The following RPN2 variants were observed in gnomAD, a reference collection of about 807,000 sequenced individuals.
The protein encoded by RPN2 is ribophorin II, also known as dolichyl-diphosphooligosaccharide--protein glycosyltransferase subunit 2.
A neutral mutation model predicts 71.4 loss-of-function variants in RPN2; 29 were observed. The ratio of observed to expected loss-of-function variants is 0.41; its 90% CI spans 0.30 to 0.55. The LOEUF is 0.55. Among genes scored for constraint, RPN2 ranks in the 20% least tolerant of loss-of-function variants. The pLI, the probability that RPN2 is intolerant of heterozygous loss-of-function variation, is 0.35. For synonymous variants in RPN2, 308 were observed against 305.0 expected (o/e 1.01, Z -0.10); for missense variants, 726 against 774.1 (o/e 0.94, Z 0.74).
intron 4 of RPN2, among the ~76,000 whole-genome samples, chr20:37,199,438 C>T (rs1039309975): frequency 1.3e-5 from 2 of 152,212 alleles, no homozygotes; most frequent in African/African-American, 2.4e-5. Context: ...CAGTCTTCTG[C>T]AAGCCTCGCA....
chr20:37,208,959 C>T (rs2067588228), intron 7 of RPN2, among the ~76,000 whole-genome samples: 1 of 152,218 alleles, frequency 6.6e-6, no homozygotes, highest in African/African-American at 2.4e-5. Context: ...CATATACCCT[C>T]AACAAAGACT....
intron 7 of RPN2, among the ~76,000 whole-genome samples, chr20:37,209,186 T>C (rs1438311055): frequency 6.6e-6 from 1 of 152,236 alleles, no homozygotes; most frequent in Non-Finnish European, 1.5e-5. Flanking sequence ...GTACAATTGA[T>C]AGGAGAATGT....
chr20:37,233,256 T>A (rs926624849), intron 14 of RPN2, among the ~76,000 whole-genome samples: 22 of 152,168 alleles, frequency 1.4e-4, no homozygotes, highest in African/African-American at 4.8e-4. Context: ...GTGTTAGTGT[T>A]GGTCATCTCT....
intron 9 of RPN2, among the ~76,000 whole-genome samples, chr20:37,216,200 G>T (rs1054790080): frequency 6.6e-6 from 1 of 151,988 alleles, no homozygotes; most frequent in Non-Finnish European, 1.5e-5. Context: ...GTAGCCAGGC[G>T]TGGTGGCACG....
chr20:37,179,533 G>T (rs1257257886), intron 1 of RPN2, 164 bp downstream of exon 1: 42 of 1,398,540 alleles, frequency 3.0e-5, no homozygotes, highest in Non-Finnish European at 3.9e-5. Flanking sequence ...AAGGAGGGCT[G>T]CGAGCTGGTG....
In RPN2 at chr20:37,204,828, AAAC is replaced by A; in HGVS notation, c.622_624del (p.Thr208del). On this transcript the variant is annotated inframe_deletion, in exon 6 of 17. Transcript: ENST00000237530. The stretch of plus-strand genomic sequence containing the variant: ...TATCTCCAGTTTGAAGAAGGACTGG[AAAC>A]AACAGCGTTATTTGTGGCTGCCACC... The A allele has an allele frequency of 6.2e-7, 1 of 1,614,138 alleles. No individual in the cohort carries two copies. The highest frequency in any genetic ancestry group is 1.3e-5 in the African/African-American group (1 of 75,010).
chr20:37,221,859 C>T (rs2067967541), intron 9 of RPN2, among the ~76,000 whole-genome samples: 1 of 152,244 alleles, frequency 6.6e-6, no homozygotes, highest in African/African-American at 2.4e-5. Flanking sequence ...CATGGGCAGA[C>T]TTGGGTCACA....
At chr20:37,191,480 A>G (rs1313735958) in intron 2 of RPN2, among the ~76,000 whole-genome samples, 1 of 151,858 alleles carries the variant, frequency 6.6e-6, no homozygotes, top group African/African-American at 2.4e-5. Context: ...CTGTCTCAAA[A>G]AAAAGGCCAG....
chr20:37,196,524 C>T (rs1474063305), intron 2 of RPN2, among the ~76,000 whole-genome samples: 1 of 152,024 alleles, frequency 6.6e-6, no homozygotes, highest in African/African-American at 2.4e-5. Context: ...TGAGCCACCG[C>T]GCCCAGCCTT....
chr20:37,205,217 T>C (rs563100698), intron 6 of RPN2, among the ~76,000 whole-genome samples: 3 of 152,072 alleles, frequency 2.0e-5, no homozygotes, highest in African/African-American at 7.2e-5. Context: ...CCTTTTCTGC[T>C]TGTCGCCTGA....
At chr20:37,212,040 G>A (rs1433823844) in intron 8 of RPN2, among the ~76,000 whole-genome samples, 2 of 152,162 alleles carry the variant, frequency 1.3e-5, no homozygotes, top group African/African-American at 2.4e-5. Flanking sequence ...AAAGTGCTGG[G>A]ATTACAGTTG....
chr20:37,224,218 G>A (rs1212912143), intron 10 of RPN2, among the ~76,000 whole-genome samples: 1 of 152,302 alleles, frequency 6.6e-6, no homozygotes, highest in East Asian at 1.9e-4. Context: ...TCCTCAACGA[G>A]GTAAAGCGCT....
At chr20:37,218,066 TAAC>T (rs1197219682) in intron 9 of RPN2, among the ~76,000 whole-genome samples, 1 of 152,166 alleles carries the variant, frequency 6.6e-6, no homozygotes, top group Non-Finnish European at 1.5e-5. Flanking sequence ...ATTGATTTAA[TAAC>T]AGCTTTATTG....
At chr20:37,236,859 C>T in intron 16 of RPN2, 150 bp downstream of exon 16, 1 of 781,516 alleles carries the variant, frequency 1.3e-6, no homozygotes, top group Non-Finnish European at 2.2e-6. Flanking sequence ...AAGCCAGAAG[C>T]ACTTTGAAGT....
intron 2 of RPN2, among the ~76,000 whole-genome samples, chr20:37,196,548 A>T (rs1218392857): frequency 6.6e-6 from 1 of 151,626 alleles, no homozygotes; most frequent in Non-Finnish European, 1.5e-5. Context: ...CTTTTTTTTG[A>T]GACAGGATGT....
At chr20:37,202,417 A>G (rs377099999) in intron 4 of RPN2, among the ~76,000 whole-genome samples, 1 of 152,208 alleles carries the variant, frequency 6.6e-6, no homozygotes, top group Non-Finnish European at 1.5e-5. Flanking sequence ...TCTTGACATA[A>G]GCAGACAGAT....
At chr20:37,225,065 C>G (rs534511098) in intron 10 of RPN2, among the ~76,000 whole-genome samples, 1 of 152,278 alleles carries the variant, frequency 6.6e-6, no homozygotes, top group South Asian at 2.1e-4. Flanking sequence ...GCTGGTTTAT[C>G]CCCTGGCCAT....
At position 37,236,683 on chromosome 20, in the gene RPN2, G is replaced by A; in HGVS notation, c.1857G>A (p.Arg619=). The A allele has an allele frequency of 6.2e-7, 1 of 1,614,146 alleles. No homozygotes were observed. Among genetic ancestry groups the A allele is most frequent in the Non-Finnish European group, 8.5e-7 (1 of 1,179,972 alleles). Residue 619 remains arginine (R), a synonymous_variant, in exon 16 of 17, where the codon CGG becomes CGA. Coordinates refer to ENST00000237530, the MANE Select transcript of RPN2 (RefSeq NM_002951.5). ...GTGTGACGTTTCTGGCTGGCAATCG[G>A]ATGCTGGCCCAGCAGGCAGTCAAGA... ...LGSVTFLAGN[R]MLAQQAVKRT...
intron 16 of RPN2, among the ~76,000 whole-genome samples, chr20:37,237,388 C>T (rs549748693): frequency 1.8e-4 from 27 of 152,306 alleles, no homozygotes; most frequent in Non-Finnish European, 3.4e-4. Flanking sequence ...ATTTCAGACA[C>T]GCAAAGGCCA....
Sources: allele counts gnomAD v4.1 joint callset (sites outside exome capture counted in the v4.1 genomes callset), GRCh38; gene constraint gnomAD v4.1.1; transcripts MANE v1.5; gene names NCBI Gene and HGNC (gene_info 2026-07-23, HGNC 2026-07-21).